The following CPNE4 variants were observed in gnomAD, a reference collection of about 807,000 sequenced individuals.
CPNE4 encodes copine 4.
CPNE4 carries 25 observed loss-of-function variants against 67.9 expected under a neutral mutation model. The ratio of observed to expected loss-of-function variants is 0.37; its 90% CI spans 0.27 to 0.51. The LOEUF (loss-of-function observed/expected upper bound fraction) is 0.51, where lower values mean the gene tolerates loss of function less well. Ranked by LOEUF, CPNE4 falls within the 20% of genes least tolerant of loss-of-function variation. CPNE4 has a pLI of 0.93. For synonymous variants in CPNE4, 242 were observed against 244.9 expected, an observed-to-expected ratio of 0.99 and a Z score of 0.11; for missense variants, 464 against 690.8, an observed-to-expected ratio of 0.67 and a Z score of 3.68.
intron 7 of CPNE4, among the ~76,000 whole-genome samples, chr3:131,626,934 C>A (rs1339909320): frequency 6.6e-6 from 1 of 152,108 alleles, no homozygotes; most frequent in African/African-American, 2.4e-5. Context: ...GTGGCTCACG[C>A]CTGTAATGCC....
intron 13 of CPNE4, among the ~76,000 whole-genome samples, chr3:131,550,538 T>C (rs546410792): frequency 9.2e-5 from 14 of 152,246 alleles, no homozygotes; most frequent in African/African-American, 3.4e-4. Context: ...AATGTTGCAC[T>C]TGTTTCCACA....
intron 12 of CPNE4, 121 bp from the exon 13 acceptor site, chr3:131,552,612 G>A (rs1285912807): frequency 1.4e-6 from 1 of 711,610 alleles, no homozygotes; most frequent in East Asian, 2.7e-5. Flanking sequence ...TATGTGTTAA[G>A]CAGCAGGAAC....
At chr3:131,812,088 A>C (rs1032932885) in intron 2 of CPNE4, among the ~76,000 whole-genome samples, 2 of 152,108 alleles carry the variant, frequency 1.3e-5, no homozygotes, top group African/African-American at 2.4e-5. Flanking sequence ...AGGTCCATAA[A>C]GAACAAATTA....
In CPNE4 at chr3:131,825,809, A is replaced by T. The variant is rs2085136255; in HGVS notation, c.180+79455T>A. 2.0e-5 allele frequency among the ~76,000 whole-genome samples: 3 copies of T among 152,204 alleles called. No homozygotes were observed. In the South Asian group the frequency reaches 6.2e-4, roughly 32 times the overall value. On this transcript the variant is annotated intron_variant, in intron 2 of 15. Transcript: ENST00000429747. Reference sequence around the variant, plus strand: ...GCCTCCCCACCTCAGAGCTTTAATAAGCCTTCTTTTCATCCATTCTCTCAT... The same window carrying T: ...GCCTCCCCACCTCAGAGCTTTAATATGCCTTCTTTTCATCCATTCTCTCAT...
chr3:131,751,387 C>A (rs1263656475), intron 2 of CPNE4, among the ~76,000 whole-genome samples: 1 of 151,894 alleles, frequency 6.6e-6, no homozygotes, highest in East Asian at 1.9e-4. Context: ...GTTCTATCTT[C>A]CAATGTACTG....
intron 1 of CPNE4, among the ~76,000 whole-genome samples, chr3:131,936,831 A>C (rs1450882938): frequency 6.6e-6 from 1 of 152,034 alleles, no homozygotes; most frequent in Admixed American, 6.6e-5. Context: ...AATAACAAGA[A>C]GAAAAGAGTT....
At chr3:131,703,645 C>T (rs72985803) in intron 3 of CPNE4, among the ~76,000 whole-genome samples, 2,992 of 152,204 alleles carry the variant, frequency 0.02, 94 homozygotes, top group African/African-American at 0.067. Context: ...AACTTTATTC[C>T]GAAGTCTTTC....
intron 1 of CPNE4, among the ~76,000 whole-genome samples, chr3:132,021,326 T>G (rs1404813491): frequency 6.6e-6 from 1 of 152,238 alleles, no homozygotes; most frequent in Non-Finnish European, 1.5e-5. Flanking sequence ...TCACAATGCA[T>G]AGCAACAAAG....
rs2107708217 is a variant in CPNE4, at chr3:132,034,608, C to G, written c.-43G>C. 1.0e-6 allele frequency: 1 copy of G among 985,400 alleles called. No individual in the cohort carries two copies. The highest frequency in any genetic ancestry group is 1.2e-6 in the Non-Finnish European group (1 of 830,004). The allele number at this position is 985,400 out of a possible 1,614,324, so 61.0% of individuals were successfully genotyped here. ...CGAAGAGTGGAGAGAGAATTCAGCC[C>G]GGGACGAGGTCTGTCCCGCCCCCAG... On this transcript the variant is annotated 5_prime_UTR_variant, in exon 1 of 16. Transcript: ENST00000429747.
At chr3:131,643,846 C>G (rs1018993436) in intron 7 of CPNE4, among the ~76,000 whole-genome samples, 2 of 152,090 alleles carry the variant, frequency 1.3e-5, no homozygotes, top group African/African-American at 4.8e-5. Flanking sequence ...CTTGCTGCCG[C>G]CATGTGAAGA....
At chr3:131,678,746 T>C (rs1278057335) in intron 6 of CPNE4, among the ~76,000 whole-genome samples, 1 of 152,250 alleles carries the variant, frequency 6.6e-6, no homozygotes, top group Non-Finnish European at 1.5e-5. Context: ...ATTTATTGAT[T>C]TGCCTACATT....
At chr3:131,652,441 C>A (rs373465817) in intron 7 of CPNE4, among the ~76,000 whole-genome samples, 2 of 152,068 alleles carry the variant, frequency 1.3e-5, no homozygotes, top group African/African-American at 4.8e-5. Flanking sequence ...TACCGGGAAA[C>A]CTCTCTAGGA....
chr3:131,706,026 C>T (rs2081406630), intron 3 of CPNE4, among the ~76,000 whole-genome samples: 1 of 152,170 alleles, frequency 6.6e-6, no homozygotes, highest in African/African-American at 2.4e-5. Context: ...AGAAAAGGAC[C>T]CACATCCCCT....
At chr3:131,970,939 ATTTAAT>A (rs1298251027) in intron 1 of CPNE4, among the ~76,000 whole-genome samples, 1 of 152,212 alleles carries the variant, frequency 6.6e-6, no homozygotes, top group African/African-American at 2.4e-5. Context: ...AACAAAAACC[ATTTAAT>A]TTTATCTCAT....
intron 5 of CPNE4, 60 bp from the exon 6 acceptor site, chr3:131,686,018 A>G: frequency 1.1e-6 from 1 of 894,340 alleles, no homozygotes; most frequent in Non-Finnish European, 1.8e-6. Context: ...AGTCCTGATC[A>G]ATCAGGAATA....
intron 2 of CPNE4, among the ~76,000 whole-genome samples, chr3:131,786,022 A>G (rs762478468): frequency 6.6e-6 from 1 of 152,024 alleles, no homozygotes; most frequent in Non-Finnish European, 1.5e-5. Flanking sequence ...TTCCATATCT[A>G]TGGAGGGGCT....
intron 2 of CPNE4, among the ~76,000 whole-genome samples, chr3:131,863,684 T>C (rs1441774964): frequency 6.6e-6 from 1 of 152,242 alleles, no homozygotes; most frequent in East Asian, 1.9e-4. Flanking sequence ...TAGTTTCTTT[T>C]GCTGTGCAGA....
chr3:131,559,195 C>T (rs901657608), intron 11 of CPNE4, among the ~76,000 whole-genome samples: 1 of 151,914 alleles, frequency 6.6e-6, no homozygotes, highest in Admixed American at 6.6e-5. Context: ...TTGAAGAAAA[C>T]GTTTTGATGA....
At chr3:131,927,168 T>C (rs1443327218) in intron 1 of CPNE4, among the ~76,000 whole-genome samples, 1 of 152,224 alleles carries the variant, frequency 6.6e-6, no homozygotes, top group Non-Finnish European at 1.5e-5. Context: ...GATGGGTAAA[T>C]TAAGATTCAA....
Sources: allele counts gnomAD v4.1 joint callset (sites outside exome capture counted in the v4.1 genomes callset), GRCh38; gene constraint gnomAD v4.1.1; transcripts MANE v1.5; gene names NCBI Gene and HGNC (gene_info 2026-07-23, HGNC 2026-07-21).